The following XKR4 variants were observed in gnomAD, a reference collection of about 807,000 sequenced individuals.
The protein encoded by XKR4 is XK-related protein 4.
Under a neutral mutation model 53.9 loss-of-function variants are expected in XKR4, and 12 were observed. The observed-to-expected ratio is 0.22, with a 90% confidence interval of 0.14 to 0.36. The LOEUF (loss-of-function observed/expected upper bound fraction) is 0.36. XKR4 is among the 10% of genes least tolerant of loss of function. XKR4 has a pLI of 1.00. For missense variants in XKR4, 799 were observed against 859.5 expected (o/e 0.93, Z 0.88); for synonymous variants, 354 against 362.4 (o/e 0.98, Z 0.26).
chr8:55,267,461 G>T (rs1818623931), intron 1 of XKR4, among the ~76,000 whole-genome samples: 1 of 152,168 alleles, frequency 6.6e-6, no homozygotes, highest in African/African-American at 2.4e-5. Context: ...CTGTCTCAAG[G>T]CCACAGAACA....
At chr8:55,258,249 G>A (rs999307432) in intron 1 of XKR4, among the ~76,000 whole-genome samples, 1 of 152,190 alleles carries the variant, frequency 6.6e-6, no homozygotes, top group Non-Finnish European at 1.5e-5. Context: ...ACAGAGCAAT[G>A]GGGAGGGAAG....
rs77159099 is a variant in XKR4, at chr8:55,537,310, G to T, written c.*13083G>T. ...CTGAGATGTTCATCCTGACATTTGC[G>T]TTCCTGATTATTTGTGGACATTTCT... is the stretch of plus-strand genomic sequence containing the variant. On this transcript the variant is annotated 3_prime_UTR_variant, in exon 3 of 3. Transcript: ENST00000327381. 1 of 152,186 alleles carries T rather than the reference G, an allele frequency of 6.6e-6. No homozygotes were observed. Among genetic ancestry groups the T allele is most frequent in the Admixed American group, 6.5e-5 (1 of 15,282 alleles). The allele number at this position is 152,186 out of a possible 1,614,324, so 9.4% of individuals were successfully genotyped here.
At chr8:55,455,453 A>G (rs920467430) in intron 2 of XKR4, among the ~76,000 whole-genome samples, 8 of 152,188 alleles carry the variant, frequency 5.3e-5, no homozygotes, top group African/African-American at 1.9e-4. Flanking sequence ...CCTGAAGTTC[A>G]ACACGGAATT....
chr8:55,207,880 C>A (rs1266555612), intron 1 of XKR4, among the ~76,000 whole-genome samples: 2 of 152,114 alleles, frequency 1.3e-5, no homozygotes, highest in African/African-American at 4.8e-5. Flanking sequence ...GTTCCCCAGG[C>A]CCTCTCTTCT....
In XKR4 at chr8:55,186,430, C is replaced by T. The variant is rs11784568; in HGVS notation, c.806+83136C>T. Among the ~76,000 whole-genome samples the T allele has an allele frequency of 4.0e-3, 603 of 152,076 alleles. 1 individual carries two copies. Among genetic ancestry groups the T allele is most frequent in the Admixed American group, 9.0e-3 (137 of 15,270 alleles). On this transcript the variant is annotated intron_variant, in intron 1 of 2. Coordinates refer to ENST00000327381, the MANE Select transcript of XKR4 (RefSeq NM_052898.2). ...CAGCACTTTGGGAGGCCAAGGAGGG[C>T]GGATCACGAGGTCAGGAGATCGAGA...
At chr8:55,451,859 C>A in intron 2 of XKR4, 1 of 884,076 alleles carries the variant, frequency 1.1e-6, no homozygotes, top group Non-Finnish European at 1.8e-6. Flanking sequence ...GGCTTCAAGG[C>A]TGAGGACGGG....
chr8:55,303,035 T>C (rs1483285385), intron 1 of XKR4, among the ~76,000 whole-genome samples: 2 of 152,208 alleles, frequency 1.3e-5, no homozygotes, highest in Non-Finnish European at 2.9e-5. Context: ...AACACTATGT[T>C]GAATAGGAGT....
rs1807076469 is a variant in XKR4, at chr8:55,539,809, T to C, written c.*15582T>C. The C allele has an allele frequency of 6.6e-6, 1 of 152,158 alleles. No individual in the cohort carries two copies. Among genetic ancestry groups the C allele is most frequent in the Non-Finnish European group, 1.5e-5 (1 of 68,034 alleles). 9.4% of individuals were successfully genotyped at this position (152,158 alleles called of 1,614,324 possible). A position where few individuals can be genotyped will look rare whatever the true frequency, so the allele number is the denominator to read the frequency against. ...TGCAGAAGAAAACTGGTGTTGCCTATTTGGACTAGATGTAGGGGCCTGGAA... is the reference window on the plus strand; with the variant it reads ...TGCAGAAGAAAACTGGTGTTGCCTACTTGGACTAGATGTAGGGGCCTGGAA... On this transcript the variant is annotated 3_prime_UTR_variant, in exon 3 of 3. Coordinates refer to ENST00000327381, the MANE Select transcript of XKR4 (RefSeq NM_052898.2).
At chr8:55,132,575 C>T (rs1376566774) in intron 1 of XKR4, among the ~76,000 whole-genome samples, 1 of 152,102 alleles carries the variant, frequency 6.6e-6, no homozygotes, top group Admixed American at 6.6e-5. Context: ...GTAAGTGAAA[C>T]CATGTACAGT....
chr8:55,506,228 G>A (rs1459830132), intron 2 of XKR4, among the ~76,000 whole-genome samples: 5 of 152,222 alleles, frequency 3.3e-5, no homozygotes, highest in African/African-American at 1.2e-4. Flanking sequence ...GCATCTGGGA[G>A]GACTTAGGAC....
At chr8:55,310,476 T>C (rs1310438027) in intron 1 of XKR4, among the ~76,000 whole-genome samples, 2 of 152,240 alleles carry the variant, frequency 1.3e-5, no homozygotes, top group Non-Finnish European at 2.9e-5. Flanking sequence ...AAATATTAGC[T>C]TATTTCTGTT....
intron 2 of XKR4, among the ~76,000 whole-genome samples, chr8:55,467,174 C>A (rs2129399345): frequency 6.6e-6 from 1 of 152,224 alleles, no homozygotes; most frequent in Non-Finnish European, 1.5e-5. Flanking sequence ...GCTCAGTCAC[C>A]ATTCTCTGCC....
chr8:55,247,855 C>CTTTTTTTTTTTTTTT (rs1166258777), intron 1 of XKR4, among the ~76,000 whole-genome samples: 1 of 59,856 alleles, frequency 1.7e-5, no homozygotes, highest in Admixed American at 1.7e-4. Flanking sequence ...TTCTTTCTTT[C>CTTTTTTTTTTTTTTT]TTTTTTTTTT....
intron 2 of XKR4, among the ~76,000 whole-genome samples, chr8:55,395,186 G>A (rs1242219532): frequency 1.3e-5 from 2 of 152,088 alleles, no homozygotes; most frequent in African/African-American, 2.4e-5. Flanking sequence ...AGAAGGAAAG[G>A]AAAGTTAGGA....
chr8:55,275,912 T>C (rs1008648950), intron 1 of XKR4, among the ~76,000 whole-genome samples: 3 of 152,190 alleles, frequency 2.0e-5, no homozygotes, highest in African/African-American at 4.8e-5. Context: ...GGGCCAGCCT[T>C]GCTAAGATCT....
intron 2 of XKR4, among the ~76,000 whole-genome samples, chr8:55,380,513 T>A (rs1016889370): frequency 2.0e-5 from 3 of 152,274 alleles, no homozygotes; most frequent in Non-Finnish European, 2.9e-5. Flanking sequence ...ATGCAGACAT[T>A]GAGACAACAA....
At chr8:55,464,497 A>G (rs547434825) in intron 2 of XKR4, among the ~76,000 whole-genome samples, 58 of 152,282 alleles carry the variant, frequency 3.8e-4, no homozygotes, top group African/African-American at 1.3e-3. Context: ...AGAGCTATCT[A>G]TGACAAACCC....
chr8:55,303,709 T>A (rs564257138), intron 1 of XKR4, among the ~76,000 whole-genome samples: 1 of 152,346 alleles, frequency 6.6e-6, no homozygotes, highest in African/African-American at 2.4e-5. Context: ...TTCAACTTCT[T>A]CCTGGTTTAG....
chr8:55,422,660 C>T (rs138138630), intron 2 of XKR4, among the ~76,000 whole-genome samples: 56 of 152,228 alleles, frequency 3.7e-4, no homozygotes, highest in Non-Finnish European at 6.8e-4. Context: ...GAATGCCAGA[C>T]GGGTGGTTTA....
Sources: allele counts gnomAD v4.1 joint callset (sites outside exome capture counted in the v4.1 genomes callset), GRCh38; gene constraint gnomAD v4.1.1; transcripts MANE v1.5; gene names NCBI Gene and HGNC (gene_info 2026-07-23, HGNC 2026-07-21).